BCAS4: variants seen among roughly 807,000 people sequenced by gnomAD.
BCAS4 encodes breast carcinoma-amplified sequence 4.
BCAS4 carries 9 observed loss-of-function variants against 15.7 expected under a neutral mutation model. The ratio of observed to expected loss-of-function variants is 0.57; its 90% CI spans 0.34 to 1.00. The LOEUF (loss-of-function observed/expected upper bound fraction) is 1.00, where lower values mean the gene tolerates loss of function less well. Among genes scored for constraint, BCAS4 ranks in the 50% least tolerant of loss-of-function variants. The pLI is 0.02. For synonymous variants in BCAS4, 101 were observed against 99.5 expected (o/e 1.02, Z -0.09); for missense variants, 225 against 239.1 (o/e 0.94, Z 0.39).
chr20:50,814,800 GT>G (rs1482122552), intron 1 of BCAS4, among the ~76,000 whole-genome samples: 1 of 152,170 alleles, frequency 6.6e-6, no homozygotes, highest in Admixed American at 6.5e-5. Flanking sequence ...ACTAGCCCTT[GT>G]TTTTATTCTA....
At chr20:50,859,029 G>C (rs946935166) in intron 4 of BCAS4, among the ~76,000 whole-genome samples, 3 of 151,918 alleles carry the variant, frequency 2.0e-5, no homozygotes, top group Non-Finnish European at 4.4e-5. Flanking sequence ...GACCTCCTGG[G>C]CTCAAGCAAT....
intron 1 of BCAS4, among the ~76,000 whole-genome samples, chr20:50,816,377 C>T (rs1427463810): frequency 1.5e-4 from 23 of 152,220 alleles, no homozygotes; most frequent in African/African-American, 5.1e-4. Flanking sequence ...AGCAGTTGTA[C>T]ACTGGCAGGC....
chr20:50,845,585 C>T (rs2088533661), intron 4 of BCAS4, among the ~76,000 whole-genome samples: 1 of 152,186 alleles, frequency 6.6e-6, no homozygotes, highest in Non-Finnish European at 1.5e-5. Context: ...GGTTTCTCTC[C>T]TGGTCTCTCC....
At chr20:50,828,646 G>T (rs1284887887) in intron 2 of BCAS4, among the ~76,000 whole-genome samples, 1 of 152,130 alleles carries the variant, frequency 6.6e-6, no homozygotes, top group African/African-American at 2.4e-5. Context: ...AGGCATGGTG[G>T]TGCGTGCCTG....
chr20:50,798,800 G>A (rs909765131), intron 1 of BCAS4, among the ~76,000 whole-genome samples: 1 of 152,182 alleles, frequency 6.6e-6, no homozygotes, highest in African/African-American at 2.4e-5. Flanking sequence ...AGCACATACT[G>A]TGTGGCACCA....
chr20:50,831,364 G>A (rs541964365), intron 3 of BCAS4, among the ~76,000 whole-genome samples: 1 of 152,098 alleles, frequency 6.6e-6, no homozygotes, highest in East Asian at 1.9e-4. Context: ...AGTGAGCCAA[G>A]ATTGCACCAC....
At chr20:50,849,328 G>A (rs538127242) in intron 4 of BCAS4, among the ~76,000 whole-genome samples, 1 of 152,188 alleles carries the variant, frequency 6.6e-6, no homozygotes, top group Admixed American at 6.5e-5. Flanking sequence ...ATGCTGCCCT[G>A]GGGGAGGGAA....
At chr20:50,877,230 G>A (rs951108565), downstream of BCAS4, 3 of 152,326 alleles carry the variant, frequency 2.0e-5, no homozygotes, top group Non-Finnish European at 1.5e-5. Flanking sequence ...TTTCACCTGT[G>A]CAGTGTTTTC....
rs781464792 is a variant in BCAS4, at chr20:50,841,836, A to T, written c.335A>T (p.His112Leu). 1.2e-6 allele frequency: 2 copies of T among 1,613,146 alleles called. No individual in the cohort carries two copies. Among genetic ancestry groups the T allele is most frequent in the Non-Finnish European group, 1.7e-6 (2 of 1,179,682 alleles). ...EADVLQAERD[H>L]GAFPQALRRW... ...GACGTGCTTCAGGCTGAGCGGGACCATGGGGCCTTCCCTCAGGCCCTGCGG... is the reference window on the plus strand; with the variant it reads ...GACGTGCTTCAGGCTGAGCGGGACCTTGGGGCCTTCCCTCAGGCCCTGCGG... Residue 112 changes from histidine to leucine, a missense_variant, in exon 4 of 5, where the codon CAT becomes CTT. By Grantham distance (99) the His-to-Leu change is moderately conservative (BLOSUM62 -3). Coordinates refer to ENST00000371608, the MANE Select transcript of BCAS4 (RefSeq NM_198799.4).
chr20:50,873,219 AT>A (rs1979744539), intron 4 of BCAS4, among the ~76,000 whole-genome samples: 5 of 152,148 alleles, frequency 3.3e-5, no homozygotes, highest in Admixed American at 2.6e-4. Context: ...TTTTTCCTCC[AT>A]TTTTAGAATC....
In BCAS4 at chr20:50,867,742, TGTCTCTACTAAA is replaced by T. The variant is rs1979428342; in HGVS notation, c.400-8743_400-8732del. Among the ~76,000 whole-genome samples, 3 of 152,250 alleles carry T rather than the reference TGTCTCTACTAAA, an allele frequency of 2.0e-5. No individual in the cohort carries two copies. The South Asian group carries it at 6.2e-4, about 32-fold the overall frequency. Reference sequence around the variant, plus strand: ...CAGCCTAGTCAACATGGTGAAACCCTGTCTCTACTAAAAATACAAAAATTAGCCAGGTGTGGT... The same window carrying T: ...CAGCCTAGTCAACATGGTGAAACCCTAATACAAAAATTAGCCAGGTGTGGT... On this transcript the variant is annotated intron_variant, in intron 4 of 4. Transcript: ENST00000371608.
At chr20:50,810,812 G>A (rs1477612101) in intron 1 of BCAS4, among the ~76,000 whole-genome samples, 2 of 151,966 alleles carry the variant, frequency 1.3e-5, no homozygotes, top group African/African-American at 2.4e-5. Flanking sequence ...GGATGGTCTC[G>A]ATCTCCTGAC....
At chr20:50,807,982 A>G (rs1043633228) in intron 1 of BCAS4, among the ~76,000 whole-genome samples, 22 of 140,646 alleles carry the variant, frequency 1.6e-4, no homozygotes, top group African/African-American at 5.9e-4. Flanking sequence ...ATCTCGGCTC[A>G]CTGCAGGCTC....
chr20:50,802,426 C>G (rs2087938669), intron 1 of BCAS4, among the ~76,000 whole-genome samples: 1 of 152,208 alleles, frequency 6.6e-6, no homozygotes, highest in African/African-American at 2.4e-5. Context: ...TTTCTACCCA[C>G]AAAACCTGCC....
At chr20:50,870,189 C>G (rs938484547) in intron 4 of BCAS4, among the ~76,000 whole-genome samples, 7 of 152,224 alleles carry the variant, frequency 4.6e-5, no homozygotes, top group African/African-American at 1.7e-4. Context: ...AAAATATTTA[C>G]TATCTAGCTC....
Position 50,851,017 on chromosome 20 carries a change from C to T in BCAS4, c.399+9117C>T, listed in dbSNP as rs1447268676. On this transcript the variant is annotated intron_variant, in intron 4 of 4. Coordinates refer to ENST00000371608, the MANE Select transcript of BCAS4 (RefSeq NM_198799.4). The surrounding 1 kb of genome is among the most constrained non-coding windows in gnomAD (Gnocchi z 4.3). ...TCAGCGTGCTCCCCTCCCCAGCGAC[C>T]CCCCCAGCTCCCGCCCCTTGCCTCC... 0.086 allele frequency among the ~76,000 whole-genome samples: 6 copies of T among 70 alleles called. No homozygotes were observed. Among genetic ancestry groups the T allele is most frequent in the Non-Finnish European group, 0.12 (4 of 34 alleles). The allele number at this position is 70 out of a possible 152,430, so 0.0% of individuals were successfully genotyped here.
At chr20:50,797,775 C>T (rs566071720) in intron 1 of BCAS4, among the ~76,000 whole-genome samples, 191 of 152,130 alleles carry the variant, frequency 1.3e-3, no homozygotes, top group African/African-American at 4.4e-3. Flanking sequence ...AAACGATTCT[C>T]CTGCCTCAGC....
rs2088327146 is a variant in BCAS4 at position 50,830,267 on chromosome 20, T to C, written c.163-12T>C. ...GGGCAGAAGGCCTGATGAGCTGTTT[T>C]GTTCCTTGCAGATCAGGAGTGATAC... On this transcript the variant is annotated splice_polypyrimidine_tract_variant and intron_variant, in intron 2 of 4. Coordinates refer to ENST00000371608, the MANE Select transcript of BCAS4 (RefSeq NM_198799.4). The C allele has an allele frequency of 1.2e-6, 2 of 1,610,396 alleles. No homozygotes were observed. Among genetic ancestry groups the C allele is most frequent in the Non-Finnish European group, 8.5e-7 (1 of 1,176,584 alleles).
chr20:50,865,740 G>C (rs1205428298), intron 4 of BCAS4, among the ~76,000 whole-genome samples: 1 of 152,182 alleles, frequency 6.6e-6, no homozygotes. Flanking sequence ...GGTCAGGGCT[G>C]GGCTGGACTG....
Sources: gnomAD v4.1 joint callset for allele counts (sites outside exome capture counted in the v4.1 genomes callset) on GRCh38, gnomAD v4.1.1 for gene constraint, Gnocchi (gnomAD v3.1) non-coding constraint, MANE v1.5 for transcripts, NCBI Gene and HGNC (gene_info 2026-07-23, HGNC 2026-07-21) for gene names.